The following CNTNAP5 variants were observed in gnomAD, a reference collection of about 807,000 sequenced individuals.
CNTNAP5 encodes contactin-associated protein-like 5.
A neutral mutation model predicts 150.2 loss-of-function variants in CNTNAP5; 72 were observed. The observed-to-expected ratio is 0.48, with a 90% CI of 0.40 to 0.58. The LOEUF (loss-of-function observed/expected upper bound fraction) is 0.58, where lower values mean the gene tolerates loss of function less well. Ranked by LOEUF, CNTNAP5 falls within the 20% of genes least tolerant of loss-of-function variation. The pLI is 0.00. For synonymous variants in CNTNAP5, 672 were observed against 619.8 expected (o/e 1.08, Z -1.25); for missense variants, 1,636 against 1,626.2 (o/e 1.01, Z -0.10).
chr2:124,625,465 A>T (rs761732490), intron 12 of CNTNAP5, among the ~76,000 whole-genome samples: 1 of 148,786 alleles, frequency 6.7e-6, no homozygotes, highest in Non-Finnish European at 1.5e-5. Flanking sequence ...TATAGTATAC[A>T]TAGTATAGTA....
At chr2:124,868,976 G>A (rs1476194793) in intron 20 of CNTNAP5, among the ~76,000 whole-genome samples, 1 of 152,106 alleles carries the variant, frequency 6.6e-6, no homozygotes, top group African/African-American at 2.4e-5. Flanking sequence ...AATGGGAAGG[G>A]GACTGAACAA....
chr2:124,057,998 A>T (rs1228458189), intron 1 of CNTNAP5, among the ~76,000 whole-genome samples: 3 of 152,220 alleles, frequency 2.0e-5, no homozygotes, highest in East Asian at 1.9e-4. Flanking sequence ...TTATTTTTTT[A>T]AAAATTAAAA....
chr2:124,682,277 C>T (rs1410971459), intron 13 of CNTNAP5, among the ~76,000 whole-genome samples: 7 of 152,164 alleles, frequency 4.6e-5, no homozygotes, highest in Non-Finnish European at 1.0e-4. Flanking sequence ...CAGCTAAAAT[C>T]GCAACCTTAT....
At chr2:124,743,484 G>A (rs368218118) in intron 13 of CNTNAP5, among the ~76,000 whole-genome samples, 17 of 152,262 alleles carry the variant, frequency 1.1e-4, no homozygotes, top group African/African-American at 4.1e-4. Context: ...CAGGCTCTAT[G>A]TGAACCTTCT....
chr2:124,903,137 C>A, intron 22 of CNTNAP5, 37 bp downstream of exon 22: 1 of 1,308,424 alleles, frequency 7.6e-7, no homozygotes, highest in Non-Finnish European at 1.0e-6. Context: ...GCTTCTGTCA[C>A]TAGCACTACT....
At chr2:124,351,389 T>G (rs973928593) in intron 3 of CNTNAP5, among the ~76,000 whole-genome samples, 3 of 152,138 alleles carry the variant, frequency 2.0e-5, no homozygotes, top group African/African-American at 7.2e-5. Flanking sequence ...TGTCTATCAT[T>G]TGTTCAGTTC....
chr2:124,036,671 A>G (rs115157346), intron 1 of CNTNAP5, among the ~76,000 whole-genome samples: 1,967 of 152,224 alleles, frequency 0.013, 44 homozygotes, highest in African/African-American at 0.044. Flanking sequence ...AAGTTAAGTA[A>G]TGTGCTTCTT....
At chr2:124,562,866 ATTATCT>A (rs56966884) in intron 10 of CNTNAP5, among the ~76,000 whole-genome samples, 36,875 of 151,850 alleles carry the variant, frequency 0.24, 4,862 homozygotes, top group Middle Eastern at 0.3. Flanking sequence ...ATGTAAAATG[ATTATCT>A]TTATACATTT....
rs559882003 is a variant in CNTNAP5, at chr2:124,710,794, G to A, written c.2078-36435G>A. On this transcript the variant is annotated intron_variant, in intron 13 of 23. Transcript: ENST00000682447. ...TTAATTCAGCAAACATGTCTTAATC[G>A]TTATCCAGCCTGACTTTTCTGTGAC... is the stretch of plus-strand genomic sequence containing the variant. Among the ~76,000 whole-genome samples, 6 of 152,150 alleles carry A rather than the reference G, an allele frequency of 3.9e-5. No individual in the cohort carries two copies. The East Asian group carries it at 7.7e-4, about 20-fold the overall frequency.
rs556571236 is a variant in CNTNAP5, at chr2:124,057,448, A to ATTTTTTTTTTTTT, written c.82+31727_82+31739dup. 4.3e-4 allele frequency among the ~76,000 whole-genome samples: 27 copies of ATTTTTTTTTTTTT among 62,788 alleles called. 4 individuals are homozygous for ATTTTTTTTTTTTT. Among genetic ancestry groups the ATTTTTTTTTTTTT allele is most frequent in the Admixed American group, 1.8e-3 (8 of 4,430 alleles). The allele number at this position is 62,788 out of a possible 152,430, so 41.2% of individuals were successfully genotyped here. ...AGGCACCCACCAGCACGGCCAGCTA[A>ATTTTTTTTTTTTT]TTTTTTTTTTTTTTTTTTTTTTTAG... On this transcript the variant is annotated intron_variant, in intron 1 of 23. Transcript: ENST00000682447.
intron 2 of CNTNAP5, among the ~76,000 whole-genome samples, chr2:124,237,038 A>G (rs2104760459): frequency 6.6e-6 from 1 of 152,222 alleles, no homozygotes; most frequent in African/African-American, 2.4e-5. Context: ...CTGAGGCAGG[A>G]GAATCCCTTG....
intron 6 of CNTNAP5, among the ~76,000 whole-genome samples, chr2:124,450,542 A>G (rs1014843876): frequency 1.9e-4 from 26 of 138,256 alleles, no homozygotes; most frequent in Non-Finnish European, 4.0e-4. Flanking sequence ...ACAAGAGCTC[A>G]CAGAATCTGC....
chr2:124,421,665 T>C (rs1173223495), intron 4 of CNTNAP5, among the ~76,000 whole-genome samples: 4 of 152,206 alleles, frequency 2.6e-5, no homozygotes, highest in African/African-American at 9.6e-5. Context: ...AAAGAAGGAA[T>C]GAAAGCATAG....
At chr2:124,356,916 C>A (rs1354828124) in intron 3 of CNTNAP5, among the ~76,000 whole-genome samples, 2 of 151,834 alleles carry the variant, frequency 1.3e-5, no homozygotes, top group Admixed American at 6.6e-5. Flanking sequence ...AGTTTACAGT[C>A]CCACCAACAG....
At chr2:124,665,615 G>T (rs1678682100) in intron 13 of CNTNAP5, among the ~76,000 whole-genome samples, 1 of 152,150 alleles carries the variant, frequency 6.6e-6, no homozygotes, top group Non-Finnish European at 1.5e-5. Flanking sequence ...GGCCAGGCGT[G>T]GTGGCTTATG....
At chr2:124,456,828 T>C (rs1693130025) in intron 6 of CNTNAP5, among the ~76,000 whole-genome samples, 1 of 152,172 alleles carries the variant, frequency 6.6e-6, no homozygotes, top group South Asian at 2.1e-4. Flanking sequence ...GGTCACCCTA[T>C]TTAACAAATG....
chr2:124,362,840 T>C (rs1690254463), intron 3 of CNTNAP5, among the ~76,000 whole-genome samples: 1 of 152,198 alleles, frequency 6.6e-6, no homozygotes, highest in East Asian at 1.9e-4. Flanking sequence ...ACACTCTCAA[T>C]AAGTAATCGA....
intron 3 of CNTNAP5, among the ~76,000 whole-genome samples, chr2:124,352,357 G>A: frequency 6.6e-6 from 1 of 152,126 alleles, no homozygotes; most frequent in East Asian, 1.9e-4. Context: ...TTTTATAGGT[G>A]AATATTACAA....
At chr2:124,881,941 T>A (rs1335992160) in intron 21 of CNTNAP5, among the ~76,000 whole-genome samples, 1 of 152,114 alleles carries the variant, frequency 6.6e-6, no homozygotes, top group African/African-American at 2.4e-5. Context: ...AAGGGGGAAA[T>A]GCTTGCACTC....
Sources: allele counts gnomAD v4.1 joint callset (sites outside exome capture counted in the v4.1 genomes callset), GRCh38; gene constraint gnomAD v4.1.1; transcripts MANE v1.5; gene names NCBI Gene and HGNC (gene_info 2026-07-23, HGNC 2026-07-21).